SEPTIN7: variants seen among roughly 807,000 people sequenced by gnomAD.
SEPTIN7 encodes septin-7.
SEPTIN7 carries 10 observed loss-of-function variants against 63.3 expected under a neutral mutation model. That is an observed-to-expected ratio of 0.16 (90% CI 0.10 to 0.27). SEPTIN7 has a LOEUF of 0.27. SEPTIN7 is among the 10% of genes least tolerant of loss of function. The probability of loss-of-function intolerance (pLI) is 1.00; values close to 1 mark genes in which losing one functional copy is unlikely to be tolerated. For missense variants in SEPTIN7, 310 were observed against 521.0 expected, an observed-to-expected ratio of 0.59 and a Z score of 3.94; for synonymous variants, 131 against 165.3, an observed-to-expected ratio of 0.79 and a Z score of 1.59.
intron 3 of SEPTIN7, among the ~76,000 whole-genome samples, chr7:35,852,433 A>G (rs1785007487): frequency 6.6e-6 from 1 of 152,170 alleles, no homozygotes; most frequent in Non-Finnish European, 1.5e-5. Context: ...GATAACTTGG[A>G]TTAAGGGTAT....
At chr7:35,870,728 C>T (rs1270391585) in intron 4 of SEPTIN7, among the ~76,000 whole-genome samples, 21 of 149,844 alleles carry the variant, frequency 1.4e-4, no homozygotes, top group Admixed American at 1.2e-3. Flanking sequence ...CTTTGGGAGG[C>T]TGAAATGGGA....
chr7:35,915,022 T>C, the SEPTIN7 span, among the ~76,000 whole-genome samples: 2 of 151,768 alleles, frequency 1.3e-5, no homozygotes, highest in African/African-American at 2.4e-5. Context: ...TACATATATG[T>C]ATACATGCAC....
chr7:35,825,351 A>C (rs2115829095), intron 1 of SEPTIN7, among the ~76,000 whole-genome samples: 1 of 152,262 alleles, frequency 6.6e-6, no homozygotes, highest in East Asian at 1.9e-4. Flanking sequence ...GTTGTATTGA[A>C]CTGTTTGTAG....
Position 35,818,180 on chromosome 7 carries a change from T to C in SEPTIN7, c.62-13312T>C, listed in dbSNP as rs143393800. Among the ~76,000 whole-genome samples the C allele has an allele frequency of 1.4e-4, 22 of 152,186 alleles. 1 individual carries two copies. The South Asian group carries it at 2.3e-3, about 16-fold the overall frequency. On this transcript the variant is annotated intron_variant, in intron 1 of 13. Transcript: ENST00000350320. ...TCTAGTTTGTTAAGTGTGTTTATCG[T>C]TGAAAGAGTGTTGAATTTTTGTCAA... is the stretch of plus-strand genomic sequence containing the variant.
chr7:35,871,043 T>G (rs1026028977), intron 4 of SEPTIN7, among the ~76,000 whole-genome samples: 1 of 152,184 alleles, frequency 6.6e-6, no homozygotes, highest in Non-Finnish European at 1.5e-5. Flanking sequence ...CAACTGTTAT[T>G]GATGTTTACT....
rs1562536598 is a variant in SEPTIN7 at position 35,838,236 on chromosome 7, A to ACTTACTTCCTTC, written c.169+5339_169+5340insACTTCCTTCCTT. ...TTAGCTTGATTTTTATATTATCCAA[A>ACTTACTTCCTTC]CTTCCTTCCTTCCTTCCTTCCTTCC... On this transcript the variant is annotated intron_variant, in intron 3 of 13. Transcript: ENST00000350320. Among the ~76,000 whole-genome samples the ACTTACTTCCTTC allele has an allele frequency of 1.0e-4, 6 of 59,080 alleles. 1 individual carries two copies. Among genetic ancestry groups the ACTTACTTCCTTC allele is most frequent in the South Asian group, 6.0e-4 (1 of 1,654 alleles). The allele number at this position is 59,080 out of a possible 152,430, so 38.8% of individuals were successfully genotyped here.
Position 35,803,222 on chromosome 7 carries a change from T to G in SEPTIN7, c.61+1952T>G, listed in dbSNP as rs997668565. On this transcript the variant is annotated intron_variant, in intron 1 of 13. Coordinates refer to ENST00000350320, the MANE Select transcript of SEPTIN7 (RefSeq NM_001788.6). ...TACATGAAAGGTAGTGTTAAAAGAT[T>G]GTATTTCAGAAGTTTGTGATAAAAT... 216 of 729,522 alleles carry G rather than the reference T, an allele frequency of 3.0e-4. 1 individual carries two copies. The highest frequency in any genetic ancestry group is 3.5e-4 in the Non-Finnish European group (206 of 596,490). The allele number at this position is 729,522 out of a possible 1,614,324, so 45.2% of individuals were successfully genotyped here.
At chr7:35,886,463 A>G (rs1489796604) in intron 10 of SEPTIN7, among the ~76,000 whole-genome samples, 1 of 152,212 alleles carries the variant, frequency 6.6e-6, no homozygotes, top group Non-Finnish European at 1.5e-5. Context: ...AATGAATTAG[A>G]AAAGCAGCAG....
intron 3 of SEPTIN7, among the ~76,000 whole-genome samples, chr7:35,845,960 C>T (rs1784641936): frequency 6.7e-6 from 1 of 148,930 alleles, no homozygotes. Context: ...TAGATAACTC[C>T]TGTTTTTTTT....
At chr7:35,829,605 G>A (rs1418984135) in intron 1 of SEPTIN7, among the ~76,000 whole-genome samples, 2 of 152,192 alleles carry the variant, frequency 1.3e-5, no homozygotes, top group Non-Finnish European at 2.9e-5. Flanking sequence ...CCTTCAAGGT[G>A]CAGTCTAAAA....
At chr7:35,873,510 G>T in intron 5 of SEPTIN7, 131 bp from the exon 6 acceptor site, 3 of 766,422 alleles carry the variant, frequency 3.9e-6, no homozygotes, top group South Asian at 2.5e-5. Flanking sequence ...TGAATATATA[G>T]AATAACTTGA....
At chr7:35,883,853 A>G (rs532886300) in intron 8 of SEPTIN7, 38 bp from the exon 9 acceptor site, 8 of 1,247,294 alleles carry the variant, frequency 6.4e-6, no homozygotes, top group African/African-American at 4.4e-5. Context: ...TGTGAGGACT[A>G]CAGAGATGTA....
intron 3 of SEPTIN7, among the ~76,000 whole-genome samples, chr7:35,849,604 A>G (rs1294621197): frequency 6.6e-6 from 1 of 152,220 alleles, no homozygotes; most frequent in Non-Finnish European, 1.5e-5. Flanking sequence ...TAAGTTTATT[A>G]AAAAGTAAAA....
At chr7:35,861,142 A>G (rs1366077658) in intron 3 of SEPTIN7, among the ~76,000 whole-genome samples, 2 of 152,006 alleles carry the variant, frequency 1.3e-5, no homozygotes, top group South Asian at 2.1e-4. Context: ...TTTCAGCTCT[A>G]CAGTTTGTTT....
intron 1 of SEPTIN7, chr7:35,803,194 T>C: frequency 1.1e-6 from 1 of 907,332 alleles, no homozygotes; most frequent in Middle Eastern, 5.6e-4. Context: ...GATGCATACA[T>C]AATACATGAA....
At chr7:35,872,926 CA>C (rs1238705830) in intron 5 of SEPTIN7, among the ~76,000 whole-genome samples, 160 bp downstream of exon 5, 3 of 152,126 alleles carry the variant, frequency 2.0e-5, no homozygotes, top group Non-Finnish European at 4.4e-5. Context: ...ACTTATCTGA[CA>C]AAGTTGTTTA....
chr7:35,812,268 C>T (rs573913470), intron 1 of SEPTIN7, among the ~76,000 whole-genome samples: 3 of 151,714 alleles, frequency 2.0e-5, no homozygotes, highest in East Asian at 1.9e-4. Flanking sequence ...GTGCATGGTG[C>T]TGTGCTGTTA....
intron 2 of SEPTIN7, chr7:35,831,852 T>G: frequency 1.8e-5 from 5 of 281,754 alleles, no homozygotes; most frequent in South Asian, 1.6e-4. Flanking sequence ...ATTGAATTGA[T>G]GTTTTGATCC....
rs1023479135 is a variant in SEPTIN7, at chr7:35,801,084, C to T, written c.-126C>T. The T allele has an allele frequency of 3.2e-5, 21 of 659,310 alleles. No homozygotes were observed. The highest frequency in any genetic ancestry group is 2.1e-4 in the Admixed American group (5 of 23,806). 40.8% of individuals were successfully genotyped at this position (659,310 alleles called of 1,614,324 possible). A position where few individuals can be genotyped will look rare whatever the true frequency, so the allele number is the denominator to read the frequency against. Reference sequence around the variant, plus strand: ...TCGAGCGAGAGCCTGTGGAGGAGTCCGCCTGCTGTAGCGTGCGTAAGCAAG... The same window carrying T: ...TCGAGCGAGAGCCTGTGGAGGAGTCTGCCTGCTGTAGCGTGCGTAAGCAAG... On this transcript the variant is annotated 5_prime_UTR_variant, in exon 1 of 14. Transcript: ENST00000350320.
Sources: gnomAD v4.1 joint callset for allele counts (sites outside exome capture counted in the v4.1 genomes callset) on GRCh38, gnomAD v4.1.1 for gene constraint, MANE v1.5 for transcripts, NCBI Gene and HGNC (gene_info 2026-07-23, HGNC 2026-07-21) for gene names.